CTNNA2: variants seen among roughly 807,000 people sequenced by gnomAD.
CTNNA2 encodes the protein catenin alpha-2.
Under a neutral mutation model 101.0 loss-of-function variants are expected in CTNNA2, and 42 were observed. That is an observed-to-expected ratio of 0.42 (90% CI 0.32 to 0.54). The LOEUF is 0.54. CTNNA2 is among the 20% of genes least tolerant of loss of function. The probability of loss-of-function intolerance (pLI) is 0.14; values close to 1 mark genes in which losing one functional copy is unlikely to be tolerated. For missense variants in CTNNA2, 871 were observed against 1,223.1 expected, an observed-to-expected ratio of 0.71 and a Z score of 4.29; for synonymous variants, 450 against 456.4, an observed-to-expected ratio of 0.99 and a Z score of 0.18.
intron 11 of CTNNA2, among the ~76,000 whole-genome samples, chr2:80,549,981 T>C (rs1244213473): frequency 6.6e-6 from 1 of 152,156 alleles, no homozygotes; most frequent in Admixed American, 6.6e-5. Context: ...GGTTCAAAAA[T>C]CCATATATAC....
At chr2:79,787,398 G>A (rs1216818721) in intron 3 of CTNNA2, among the ~76,000 whole-genome samples, 3 of 152,044 alleles carry the variant, frequency 2.0e-5, no homozygotes, top group Admixed American at 2.0e-4. Context: ...ACACAGGGAG[G>A]AGTAGTAAAG....
intron 4 of CTNNA2, among the ~76,000 whole-genome samples, chr2:79,503,900 C>A (rs1293216230): frequency 6.6e-6 from 1 of 152,078 alleles, no homozygotes; most frequent in Non-Finnish European, 1.5e-5. Flanking sequence ...AGTGATTGAT[C>A]CTGATTACCA....
At chr2:80,138,924 C>T (rs1380039626) in intron 7 of CTNNA2, among the ~76,000 whole-genome samples, 2 of 151,970 alleles carry the variant, frequency 1.3e-5, no homozygotes, top group East Asian at 1.9e-4. Context: ...TTTTTGCTGT[C>T]GTAGTGGCCA....
At chr2:80,042,846 G>T (rs184378505) in intron 7 of CTNNA2, among the ~76,000 whole-genome samples, 1 of 152,260 alleles carries the variant, frequency 6.6e-6, no homozygotes. Flanking sequence ...TAAAATCATA[G>T]GGAATGTGAA....
At chr2:79,907,266 A>AT (rs1032810437) in intron 6 of CTNNA2, among the ~76,000 whole-genome samples, 29 of 152,236 alleles carry the variant, frequency 1.9e-4, no homozygotes, top group African/African-American at 5.1e-4. Context: ...GTCTAATTAT[A>AT]TTTTTACCAG....
At chr2:79,267,445 T>C (rs1675000838) in intron 2 of CTNNA2, among the ~76,000 whole-genome samples, 1 of 152,088 alleles carries the variant, frequency 6.6e-6, no homozygotes, top group Non-Finnish European at 1.5e-5. Context: ...GCACTAATCA[T>C]ATTAATGAGA....
At chr2:79,361,268 C>T (rs1391919334) in intron 3 of CTNNA2, among the ~76,000 whole-genome samples, 1 of 151,762 alleles carries the variant, frequency 6.6e-6, no homozygotes, top group Non-Finnish European at 1.5e-5. Flanking sequence ...AAGATTTAGA[C>T]AAACAAACAA....
At position 79,730,438 on chromosome 2, in the gene CTNNA2, A is replaced by G. The variant is rs545389405; in HGVS notation, c.103-13949A>G. Among the ~76,000 whole-genome samples, 8 of 152,120 alleles carry G rather than the reference A, an allele frequency of 5.3e-5. No homozygotes were observed. The South Asian group carries it at 1.2e-3, about 24-fold the overall frequency. On this transcript the variant is annotated intron_variant, in intron 2 of 18. Transcript: ENST00000402739. ...AATTTTTGGAAAAAACTGTTTTTAT[A>G]TATGCTAATGGAGAGATTTTTTTTT... is the stretch of plus-strand genomic sequence containing the variant.
At chr2:79,887,014 G>A (rs897326445) in intron 6 of CTNNA2, among the ~76,000 whole-genome samples, 2 of 151,750 alleles carry the variant, frequency 1.3e-5, no homozygotes, top group Admixed American at 6.6e-5. Context: ...ACATGGTTTC[G>A]CCATGTTGTC....
At chr2:80,151,029 G>A (rs1703662904) in intron 7 of CTNNA2, among the ~76,000 whole-genome samples, 1 of 152,230 alleles carries the variant, frequency 6.6e-6, no homozygotes, top group Admixed American at 6.5e-5. Context: ...GCCATCCCTG[G>A]GCAAAAATGA....
chr2:80,592,473 A>G (rs1219723911), intron 15 of CTNNA2, among the ~76,000 whole-genome samples: 6 of 152,148 alleles, frequency 3.9e-5, no homozygotes, highest in Non-Finnish European at 8.8e-5. Flanking sequence ...TACATGTTTA[A>G]CATCTGACCT....
At chr2:80,236,428 A>G (rs1288185462) in intron 7 of CTNNA2, among the ~76,000 whole-genome samples, 1 of 152,206 alleles carries the variant, frequency 6.6e-6, no homozygotes, top group Admixed American at 6.5e-5. Flanking sequence ...AGTGCAGTGC[A>G]GTGAGGGAGA....
chr2:79,312,843 A>T (rs1479848406), intron 3 of CTNNA2: 1 of 152,234 alleles, frequency 6.6e-6, no homozygotes. Context: ...TTACTAGCTT[A>T]TATCCAATCA....
chr2:79,732,998 T>C (rs1487612023), intron 2 of CTNNA2, among the ~76,000 whole-genome samples: 2 of 152,138 alleles, frequency 1.3e-5, no homozygotes, highest in African/African-American at 2.4e-5. Context: ...CTAGAATTTG[T>C]CAATTGACCG....
intron 2 of CTNNA2, among the ~76,000 whole-genome samples, chr2:79,278,336 GA>G (rs1175446384): frequency 6.6e-6 from 1 of 152,232 alleles, no homozygotes; most frequent in African/African-American, 2.4e-5. Flanking sequence ...TTAATGAGGA[GA>G]GACGGGGAAG....
intron 18 of CTNNA2, among the ~76,000 whole-genome samples, chr2:80,621,330 T>C (rs1671099184): frequency 6.6e-6 from 1 of 151,986 alleles, no homozygotes; most frequent in Non-Finnish European, 1.5e-5. Flanking sequence ...TACATACAAT[T>C]ATTAAATCCA....
intron 7 of CTNNA2, among the ~76,000 whole-genome samples, chr2:80,274,913 A>G (rs1000006209): frequency 6.6e-6 from 1 of 152,298 alleles, no homozygotes; most frequent in African/African-American, 2.4e-5. Context: ...TGACCTTATC[A>G]TACCATAATG....
chr2:80,557,417 T>C (rs1301281888), intron 12 of CTNNA2, among the ~76,000 whole-genome samples: 1 of 152,190 alleles, frequency 6.6e-6, no homozygotes, highest in Non-Finnish European at 1.5e-5. Context: ...CCATCTCACA[T>C]TTCTGTGGCT....
At chr2:79,716,134 C>T (rs892079409) in intron 2 of CTNNA2, among the ~76,000 whole-genome samples, 4 of 151,992 alleles carry the variant, frequency 2.6e-5, no homozygotes, top group African/African-American at 9.7e-5. Context: ...ATTGGGTGTA[C>T]AGGGCCAGGG....
Sources: gnomAD v4.1 joint callset for allele counts (sites outside exome capture counted in the v4.1 genomes callset) on GRCh38, gnomAD v4.1.1 for gene constraint, MANE v1.5 for transcripts, NCBI Gene and HGNC (gene_info 2026-07-23, HGNC 2026-07-21) for gene names.